Variants in KLF12 observed in about 807,000 individuals in gnomAD.
KLF12 encodes the protein Krueppel-like factor 12.
Under a neutral mutation model 37.8 loss-of-function variants are expected in KLF12, and 9 were observed. The observed-to-expected ratio is 0.24, with a 90% confidence interval of 0.14 to 0.42. KLF12 has a LOEUF of 0.42. Ranked by LOEUF, KLF12 falls within the 10% of genes least tolerant of loss-of-function variation. KLF12 has a pLI of 1.00. For missense variants in KLF12, 411 were observed against 516.0 expected (o/e 0.80, Z 1.97); for synonymous variants, 208 against 202.1 (o/e 1.03, Z -0.25).
chr13:73,860,465 T>C (rs941304587), intron 3 of KLF12, among the ~76,000 whole-genome samples: 2 of 152,174 alleles, frequency 1.3e-5, no homozygotes, highest in African/African-American at 2.4e-5. Context: ...CCACATGCAG[T>C]GGCTCACGCT....
intron 6 of KLF12, among the ~76,000 whole-genome samples, chr13:73,738,128 C>T (rs137905654): frequency 0.018 from 1,236 of 67,252 alleles, 37 homozygotes; most frequent in African/African-American, 0.068. Flanking sequence ...TATATATACA[C>T]ACACACACAT....
intron 3 of KLF12, among the ~76,000 whole-genome samples, chr13:73,858,344 AAAATT>A (rs1405273087): frequency 1.3e-5 from 2 of 152,208 alleles, no homozygotes; most frequent in African/African-American, 4.8e-5. Context: ...TTTTTCCATA[AAAATT>A]AACACATCCA....
chr13:74,142,870 A>G, the KLF12 span, among the ~76,000 whole-genome samples: 1 of 152,222 alleles, frequency 6.6e-6, no homozygotes, highest in African/African-American at 2.4e-5. Context: ...TAGATTTGGT[A>G]TGCATCTCTC....
intron 3 of KLF12, among the ~76,000 whole-genome samples, chr13:73,920,200 C>T (rs1437287647): frequency 3.9e-5 from 6 of 152,104 alleles, no homozygotes; most frequent in Non-Finnish European, 8.8e-5. Flanking sequence ...GTATAAATTA[C>T]ATGAATATGC....
At chr13:74,153,963 T>A in the KLF12 span, among the ~76,000 whole-genome samples, 1 of 151,992 alleles carries the variant, frequency 6.6e-6, no homozygotes, top group Non-Finnish European at 1.5e-5. Context: ...TGTGGTGGCT[T>A]ATGCCTGTAA....
intron 3 of KLF12, among the ~76,000 whole-genome samples, chr13:73,901,004 T>C (rs910615326): frequency 3.9e-5 from 6 of 152,180 alleles, no homozygotes; most frequent in African/African-American, 9.7e-5. Flanking sequence ...TTCAAGACGA[T>C]TTGATAGGAG....
chr13:74,187,196 C>T, the KLF12 span, among the ~76,000 whole-genome samples: 1 of 152,214 alleles, frequency 6.6e-6, no homozygotes, highest in East Asian at 1.9e-4. Context: ...GGTATGGTGG[C>T]ATGTGCTGGT....
chr13:73,984,392 A>C (rs1352187479), intron 2 of KLF12, among the ~76,000 whole-genome samples: 1 of 152,068 alleles, frequency 6.6e-6, no homozygotes, highest in Non-Finnish European at 1.5e-5. Flanking sequence ...GATTGCCTTC[A>C]TCTGCTTATT....
chr13:73,867,381 TATAC>T (rs200417092), intron 3 of KLF12, among the ~76,000 whole-genome samples: 2,523 of 151,474 alleles, frequency 0.017, 187 homozygotes, highest in Admixed American at 0.13. Flanking sequence ...AACAGGAATA[TATAC>T]ATACATACAT....
chr13:73,782,890 T>C (rs1428803817), intron 5 of KLF12, among the ~76,000 whole-genome samples: 2 of 152,224 alleles, frequency 1.3e-5, no homozygotes, highest in Non-Finnish European at 2.9e-5. Context: ...GTTTACAAAG[T>C]GTCATCAATC....
chr13:73,847,901 T>C (rs1246013986), intron 3 of KLF12, among the ~76,000 whole-genome samples: 1 of 152,188 alleles, frequency 6.6e-6, no homozygotes, highest in African/African-American at 2.4e-5. Flanking sequence ...ACTAGAACAG[T>C]ATTTCAATTT....
At chr13:73,919,775 T>C (rs1156698726) in intron 3 of KLF12, among the ~76,000 whole-genome samples, 3 of 152,216 alleles carry the variant, frequency 2.0e-5, no homozygotes, top group African/African-American at 7.2e-5. Context: ...TCATAAGGAT[T>C]TGCAACATGT....
At chr13:73,876,491 A>T (rs1377229252) in intron 3 of KLF12, among the ~76,000 whole-genome samples, 2 of 152,204 alleles carry the variant, frequency 1.3e-5, no homozygotes, top group Non-Finnish European at 2.9e-5. Context: ...CAGAAGTAAA[A>T]TCCATCAAAT....
chr13:73,766,750 T>C (rs191981355), intron 5 of KLF12, among the ~76,000 whole-genome samples: 1 of 152,350 alleles, frequency 6.6e-6, no homozygotes, highest in East Asian at 1.9e-4. Flanking sequence ...TATTTCATCA[T>C]GAAAATTCCA....
intron 2 of KLF12, among the ~76,000 whole-genome samples, chr13:73,945,715 G>A (rs1890393573): frequency 6.6e-6 from 1 of 151,838 alleles, no homozygotes; most frequent in Non-Finnish European, 1.5e-5. Flanking sequence ...TAGTCTATAA[G>A]GTGATAAAAA....
chr13:73,756,067 G>C (rs1475526997), intron 6 of KLF12, among the ~76,000 whole-genome samples: 2 of 152,102 alleles, frequency 1.3e-5, no homozygotes, highest in Non-Finnish European at 2.9e-5. Context: ...TTTCTTTCAA[G>C]GTGATGCTAT....
chr13:73,942,519 A>G (rs1890234242), intron 3 of KLF12, among the ~76,000 whole-genome samples: 1 of 152,192 alleles, frequency 6.6e-6, no homozygotes, highest in Admixed American at 6.5e-5. Context: ...GTTAATCAAT[A>G]AAGGTTGAAA....
intron 3 of KLF12, among the ~76,000 whole-genome samples, chr13:73,937,909 T>TAA (rs950280946): frequency 6.8e-6 from 1 of 148,032 alleles, no homozygotes; most frequent in African/African-American, 2.5e-5. Flanking sequence ...TCTTTCCGCT[T>TAA]AAAAAAAAAA....
chr13:73,747,834 C>T (rs893232954), intron 6 of KLF12, among the ~76,000 whole-genome samples: 2 of 147,738 alleles, frequency 1.4e-5, no homozygotes, highest in African/African-American at 5.0e-5. Flanking sequence ...ATTTATTGAT[C>T]CCTACTCTAT....
Sources: allele counts gnomAD v4.1 joint callset (sites outside exome capture counted in the v4.1 genomes callset), GRCh38; gene constraint gnomAD v4.1.1; transcripts MANE v1.5; gene names NCBI Gene and HGNC (gene_info 2026-07-23, HGNC 2026-07-21).